Variants in SRD5A2 observed in about 807,000 individuals in gnomAD.
The protein encoded by SRD5A2 is steroid 5 alpha-reductase 2.
SRD5A2 carries 30 observed loss-of-function variants against 27.4 expected under a neutral mutation model. That is an observed-to-expected ratio of 1.10 (90% CI 0.82 to 1.49). The LOEUF (loss-of-function observed/expected upper bound fraction) is 1.49, where lower values mean the gene tolerates loss of function less well. SRD5A2 is among the 40% of genes most tolerant of loss of function. SRD5A2 has a pLI of 0.00. For missense variants in SRD5A2, 348 were observed against 323.4 expected, an observed-to-expected ratio of 1.08 and a Z score of -0.58; for synonymous variants, 141 against 133.6, an observed-to-expected ratio of 1.06 and a Z score of -0.38.
At chr2:31,625,114 T>C in the SRD5A2 span, among the ~76,000 whole-genome samples, 4 of 152,238 alleles carry the variant, frequency 2.6e-5, no homozygotes, top group Non-Finnish European at 5.9e-5. Context: ...TGACCAGTGA[T>C]GATGAGCATT....
the SRD5A2 span, among the ~76,000 whole-genome samples, chr2:31,634,246 A>G: frequency 6.6e-6 from 1 of 152,340 alleles, no homozygotes; most frequent in South Asian, 2.1e-4. Flanking sequence ...AACAGACTGG[A>G]CAGTTTTAAG....
At chr2:31,644,773 A>G in the SRD5A2 span, among the ~76,000 whole-genome samples, 1 of 152,220 alleles carries the variant, frequency 6.6e-6, no homozygotes, top group African/African-American at 2.4e-5. Flanking sequence ...ATAAATGTTA[A>G]ATTTCCTTAT....
At position 31,580,750 on chromosome 2, in the gene SRD5A2, C is replaced by A. The variant is rs61748123; in HGVS notation, c.151G>T (p.Ala51Ser). The change falls in exon 1 of 5, where the codon GCC becomes TCC. Residue 51 changes from alanine to serine, a missense_variant. By Grantham distance (99) the Ala-to-Ser change is moderately conservative. Coordinates refer to ENST00000622030, the MANE Select transcript of SRD5A2 (RefSeq NM_000348.4). ...GGCAGCTCCTGCAGGAACCAGGCGG[C>A]GCGGGCTGGCAGGCGGGTAGCCGCC... is the stretch of plus-strand genomic sequence containing the variant. ...KPAATRLPAR[A>S]AWFLQELPSF... The A allele has an allele frequency of 6.2e-7, 1 of 1,610,268 alleles. No homozygotes were observed. Among genetic ancestry groups the A allele is most frequent in the East Asian group, 2.2e-5 (1 of 44,872 alleles).
At chr2:31,647,812 G>A in the SRD5A2 span, among the ~76,000 whole-genome samples, 2 of 152,130 alleles carry the variant, frequency 1.3e-5, no homozygotes, top group Non-Finnish European at 2.9e-5. Context: ...ATATCTTGAA[G>A]ATAATGCCTC....
the SRD5A2 span, chr2:31,651,528 A>C: frequency 9.9e-6 from 2 of 202,892 alleles, no homozygotes. Flanking sequence ...ACTGCTCAAA[A>C]ATTCATCAGA....
the SRD5A2 span, among the ~76,000 whole-genome samples, chr2:31,608,877 T>C: frequency 6.6e-6 from 1 of 152,112 alleles, no homozygotes; most frequent in Admixed American, 6.6e-5. Context: ...CCAAAATTTA[T>C]ATGTGGAAGT....
At chr2:31,580,199 G>A (rs933436185) in intron 1 of SRD5A2, among the ~76,000 whole-genome samples, 1 of 152,188 alleles carries the variant, frequency 6.6e-6, no homozygotes, top group African/African-American at 2.4e-5. Context: ...ACCCTGCAAG[G>A]AAAAGGTGAA....
intron 1 of SRD5A2, among the ~76,000 whole-genome samples, chr2:31,551,505 T>C (rs1175207816): frequency 6.6e-6 from 1 of 152,146 alleles, no homozygotes; most frequent in Non-Finnish European, 1.5e-5. Context: ...TACATTAACC[T>C]ACAGTTCAGC....
intron 1 of SRD5A2, among the ~76,000 whole-genome samples, chr2:31,536,773 G>A (rs1666035863): frequency 6.6e-6 from 1 of 152,196 alleles, no homozygotes; most frequent in Non-Finnish European, 1.5e-5. Flanking sequence ...GCTGGCAATT[G>A]GTGCTGTAGA....
the SRD5A2 span, among the ~76,000 whole-genome samples, chr2:31,639,722 T>C: frequency 6.6e-6 from 1 of 152,108 alleles, no homozygotes; most frequent in Admixed American, 6.5e-5. Context: ...CAAGACAAAT[T>C]GGAACTCCTT....
chr2:31,628,382 C>T, the SRD5A2 span, among the ~76,000 whole-genome samples: 19 of 152,182 alleles, frequency 1.2e-4, no homozygotes, highest in African/African-American at 4.6e-4. Flanking sequence ...TACAATGGGC[C>T]TCTCGAAGAC....
chr2:31,646,186 C>T, the SRD5A2 span, among the ~76,000 whole-genome samples: 7 of 152,138 alleles, frequency 4.6e-5, no homozygotes, highest in African/African-American at 7.2e-5. Context: ...CACACGCACA[C>T]ACACACAGTT....
chr2:31,622,778 T>C, the SRD5A2 span, among the ~76,000 whole-genome samples: 2 of 152,118 alleles, frequency 1.3e-5, no homozygotes, highest in African/African-American at 4.8e-5. Flanking sequence ...CTGTGGCACT[T>C]CTTCTCAGTC....
the SRD5A2 span, among the ~76,000 whole-genome samples, chr2:31,641,477 A>C: frequency 6.6e-6 from 1 of 152,226 alleles, no homozygotes; most frequent in Non-Finnish European, 1.5e-5. Flanking sequence ...ATTACAAGAA[A>C]TAGTAAAGGA....
chr2:31,577,824 C>G (rs1164945722), intron 1 of SRD5A2, among the ~76,000 whole-genome samples: 1 of 152,130 alleles, frequency 6.6e-6, no homozygotes, highest in Non-Finnish European at 1.5e-5. Flanking sequence ...AAAGAATGTT[C>G]ATAACCTTTG....
the SRD5A2 span, among the ~76,000 whole-genome samples, chr2:31,593,007 A>ATTT: frequency 6.6e-6 from 1 of 152,180 alleles, no homozygotes; most frequent in Admixed American, 6.5e-5. Flanking sequence ...AACTATCGCA[A>ATTT]GGACAAAAAA....
the SRD5A2 span, among the ~76,000 whole-genome samples, chr2:31,604,807 TAA>T: frequency 1.3e-5 from 2 of 151,914 alleles, no homozygotes; most frequent in African/African-American, 4.8e-5. Flanking sequence ...AAAAAAATCC[TAA>T]AGTGTATATG....
At chr2:31,582,607 G>A (rs1280931386), upstream of SRD5A2, among the ~76,000 whole-genome samples, 1 of 152,124 alleles carries the variant, frequency 6.6e-6, no homozygotes, top group Non-Finnish European at 1.5e-5. Flanking sequence ...CAACCTGCTT[G>A]TTGAAGATGC....
At chr2:31,619,555 C>T in the SRD5A2 span, among the ~76,000 whole-genome samples, 1 of 152,206 alleles carries the variant, frequency 6.6e-6, no homozygotes, top group Admixed American at 6.6e-5. Flanking sequence ...ACACTCCCAC[C>T]AACAGTGTAA....
Sources: allele counts gnomAD v4.1 joint callset (sites outside exome capture counted in the v4.1 genomes callset), GRCh38; gene constraint gnomAD v4.1.1; transcripts MANE v1.5; gene names NCBI Gene and HGNC (gene_info 2026-07-23, HGNC 2026-07-21).